DPP6: variants seen among roughly 807,000 people sequenced by gnomAD.
The protein encoded by DPP6 is A-type potassium channel modulatory protein DPP6.
In DPP6, 69 loss-of-function variants were observed where a neutral mutation model predicts 122.6. The ratio of observed to expected loss-of-function variants is 0.56; its 90% CI spans 0.46 to 0.69. The LOEUF is 0.69. Among genes scored for constraint, DPP6 ranks in the 30% least tolerant of loss-of-function variants. The pLI is 0.00. For missense variants in DPP6, 928 were observed against 1,116.9 expected (o/e 0.83, Z 2.41); for synonymous variants, 418 against 433.1 (o/e 0.97, Z 0.43).
At chr7:154,476,133 C>T (rs548353512) in intron 3 of DPP6, among the ~76,000 whole-genome samples, 57 of 152,340 alleles carry the variant, frequency 3.7e-4, no homozygotes, top group African/African-American at 1.3e-3. Context: ...TAGGGGCAAT[C>T]ACTTTTCTTT....
chr7:154,275,991 G>A (rs979422351), intron 1 of DPP6, among the ~76,000 whole-genome samples: 1 of 152,210 alleles, frequency 6.6e-6, no homozygotes, highest in Admixed American at 6.5e-5. Flanking sequence ...TTGTATTTGA[G>A]ATAGTAAGAC....
chr7:153,957,719 T>TA (rs201402352), intron 1 of DPP6, among the ~76,000 whole-genome samples: 9 of 152,190 alleles, frequency 5.9e-5, no homozygotes, highest in South Asian at 2.1e-4. Flanking sequence ...TGTTTGGAAA[T>TA]AAAAAAAATC....
intron 7 of DPP6, among the ~76,000 whole-genome samples, chr7:154,677,267 G>A (rs1586869964): frequency 6.6e-6 from 1 of 152,094 alleles, no homozygotes; most frequent in African/African-American, 2.4e-5. Context: ...GAGAGCGTGA[G>A]CCTTCCTTTA....
At chr7:154,292,632 A>G (rs1165473156) in intron 1 of DPP6, among the ~76,000 whole-genome samples, 1 of 152,210 alleles carries the variant, frequency 6.6e-6, no homozygotes, top group Non-Finnish European at 1.5e-5. Context: ...TGTCAACTTC[A>G]GAAGGTCATC....
chr7:154,819,331 C>G (rs1291112139), intron 16 of DPP6, among the ~76,000 whole-genome samples: 1 of 152,212 alleles, frequency 6.6e-6, no homozygotes, highest in African/African-American at 2.4e-5. Flanking sequence ...AGGAGAATCA[C>G]TTGAACCCGG....
intron 5 of DPP6, among the ~76,000 whole-genome samples, chr7:154,575,297 TG>T (rs1157113652): frequency 1.2e-4 from 14 of 119,052 alleles, no homozygotes; most frequent in South Asian, 3.0e-4. Flanking sequence ...TGTATGTGTG[TG>T]GGGGGTGTAT....
intron 1 of DPP6, among the ~76,000 whole-genome samples, chr7:153,952,367 G>A (rs1802259253): frequency 6.6e-6 from 1 of 152,208 alleles, no homozygotes; most frequent in Non-Finnish European, 1.5e-5. Context: ...GAAAGATTAA[G>A]AAACTGTTTC....
At chr7:154,558,242 T>A (rs533008464) in intron 4 of DPP6, among the ~76,000 whole-genome samples, 67 of 152,280 alleles carry the variant, frequency 4.4e-4, no homozygotes, top group African/African-American at 1.2e-3. Context: ...AATACATAGA[T>A]TTCCCTTTGA....
chr7:154,306,126 C>T (rs1254827387), intron 1 of DPP6, among the ~76,000 whole-genome samples: 5 of 152,184 alleles, frequency 3.3e-5, no homozygotes, highest in African/African-American at 1.2e-4. Context: ...GAAGGATAGA[C>T]GGTCGGGATA....
At chr7:154,089,049 T>A (rs1046202871) in intron 1 of DPP6, among the ~76,000 whole-genome samples, 1 of 152,006 alleles carries the variant, frequency 6.6e-6, no homozygotes, top group Middle Eastern at 3.2e-3. Context: ...GAGTGAGAAG[T>A]AGTTGAAAAC....
At chr7:153,799,001 G>A in the DPP6 span, among the ~76,000 whole-genome samples, 1 of 152,160 alleles carries the variant, frequency 6.6e-6, no homozygotes, top group African/African-American at 2.4e-5. Flanking sequence ...GTGAGCAATG[G>A]GGAGTGGCTA....
At position 154,063,065 on chromosome 7, in the gene DPP6, G is replaced by T. The variant is rs1448022794; in HGVS notation, c.243+10002G>T. On this transcript the variant is annotated intron_variant, in intron 1 of 25. Coordinates refer to ENST00000377770, the MANE Select transcript of DPP6 (RefSeq NM_130797.4). ...GGGAGGCACCCCCCACGAGAGTGGGGACTGAGAGCTATCCCCTCTTCCGCC... is the reference window on the plus strand; with the variant it reads ...GGGAGGCACCCCCCACGAGAGTGGGTACTGAGAGCTATCCCCTCTTCCGCC... Among the ~76,000 whole-genome samples the T allele has an allele frequency of 1.6e-5, 2 of 122,840 alleles. 1 individual carries two copies. Among genetic ancestry groups the T allele is most frequent in the Admixed American group, 1.7e-4 (2 of 12,060 alleles). The allele number at this position is 122,840 out of a possible 152,430, so 80.6% of individuals were successfully genotyped here. A position where few individuals can be genotyped will look rare whatever the true frequency, so the allele number is the denominator to read the frequency against.
chr7:154,316,719 T>C (rs1807459997), intron 1 of DPP6, among the ~76,000 whole-genome samples: 1 of 152,140 alleles, frequency 6.6e-6, no homozygotes, highest in Admixed American at 6.5e-5. Context: ...AATGAGTCAT[T>C]GTAGGTTCAG....
rs1288957037 is a variant in DPP6, at chr7:154,883,049, ATG to A, written c.2133+2108_2133+2109del. ...CACCCATACACATGCTCACACACAC[ATG>A]CTCACACATTCACACACATGCTCAC... On this transcript the variant is annotated intron_variant, in intron 21 of 25. Transcript: ENST00000377770. 8.7e-5 allele frequency among the ~76,000 whole-genome samples: 13 copies of A among 149,966 alleles called. No individual in the cohort carries two copies. The East Asian group carries it at 1.0e-3, about 12-fold the overall frequency.
intron 1 of DPP6, among the ~76,000 whole-genome samples, chr7:154,157,301 A>G (rs1371004518): frequency 1.3e-5 from 2 of 152,076 alleles, no homozygotes; most frequent in African/African-American, 2.4e-5. Context: ...TGCTGAGGAA[A>G]CTCGAAAGTA....
At chr7:153,983,442 G>C (rs1373133506) in intron 1 of DPP6, among the ~76,000 whole-genome samples, 5 of 152,210 alleles carry the variant, frequency 3.3e-5, no homozygotes, top group Non-Finnish European at 7.3e-5. Flanking sequence ...GGCTGTGCTG[G>C]CAGCCAGAAC....
chr7:153,913,210 G>A (rs937671008), intron 1 of DPP6, among the ~76,000 whole-genome samples: 1 of 152,086 alleles, frequency 6.6e-6, no homozygotes, highest in African/African-American at 2.4e-5. Context: ...AAGTAGCCGG[G>A]ATTACAGGCA....
intron 1 of DPP6, among the ~76,000 whole-genome samples, chr7:154,168,532 G>A (rs1217682628): frequency 6.6e-6 from 1 of 152,188 alleles, no homozygotes; most frequent in Admixed American, 6.5e-5. Context: ...ATTGGCTAAG[G>A]CGGTGATGAT....
Position 154,717,190 on chromosome 7 carries a change from G to T in DPP6, c.763-10577G>T, listed in dbSNP as rs560683376. On this transcript the variant is annotated intron_variant, in intron 7 of 25. Transcript: ENST00000377770. ...AATTATCAAATTACAGTAATTAGCA[G>T]ATTCATCAGCTCGAACATTTATCAT... Among the ~76,000 whole-genome samples, 60 of 152,308 alleles carry T rather than the reference G, an allele frequency of 3.9e-4. No homozygotes were observed. The South Asian group carries it at 0.011, about 29-fold the overall frequency.
Sources: gnomAD v4.1 joint callset for allele counts (sites outside exome capture counted in the v4.1 genomes callset) on GRCh38, gnomAD v4.1.1 for gene constraint, MANE v1.5 for transcripts, NCBI Gene and HGNC (gene_info 2026-07-23, HGNC 2026-07-21) for gene names.